EFNA5: variants seen among roughly 807,000 people sequenced by gnomAD.
The protein encoded by EFNA5 is ephrin A5.
Under a neutral mutation model 22.9 loss-of-function variants are expected in EFNA5, and 5 were observed. The observed-to-expected ratio is 0.22, with a 90% confidence interval of 0.11 to 0.46. EFNA5 has a LOEUF of 0.46. EFNA5 is among the 20% of genes least tolerant of loss of function. EFNA5 has a pLI of 0.99. For missense variants in EFNA5, 237 were observed against 293.3 expected (o/e 0.81, Z 1.40); for synonymous variants, 113 against 112.2 (o/e 1.01, Z -0.04).
At chr5:107,640,553 G>A (rs553787637) in intron 1 of EFNA5, among the ~76,000 whole-genome samples, 5 of 152,242 alleles carry the variant, frequency 3.3e-5, no homozygotes, top group East Asian at 1.9e-4. Context: ...TGTTTATCTG[G>A]TTACTTTAAT....
chr5:107,389,981 A>G (rs1380272257), intron 2 of EFNA5, among the ~76,000 whole-genome samples: 1 of 152,196 alleles, frequency 6.6e-6, no homozygotes, highest in Non-Finnish European at 1.5e-5. Flanking sequence ...TGAACAAAGA[A>G]TATTAGCACA....
chr5:107,609,825 A>T (rs1335322589), intron 1 of EFNA5, among the ~76,000 whole-genome samples: 1 of 152,178 alleles, frequency 6.6e-6, no homozygotes, highest in Non-Finnish European at 1.5e-5. Flanking sequence ...CTAGAATAAG[A>T]TGACTGAATG....
At chr5:107,636,021 T>G (rs73200643) in intron 1 of EFNA5, among the ~76,000 whole-genome samples, 5,118 of 152,330 alleles carry the variant, frequency 0.034, 309 homozygotes, top group African/African-American at 0.12. Flanking sequence ...TATTTTTGTT[T>G]AAATGAGTCA....
At chr5:107,515,038 T>C (rs1244381169) in intron 1 of EFNA5, among the ~76,000 whole-genome samples, 1 of 152,162 alleles carries the variant, frequency 6.6e-6, no homozygotes, top group Non-Finnish European at 1.5e-5. Flanking sequence ...TCCATCTTCC[T>C]TTCTCTGCCA....
intron 1 of EFNA5, among the ~76,000 whole-genome samples, chr5:107,442,484 C>T (rs952101664): frequency 3.9e-5 from 6 of 152,212 alleles, no homozygotes; most frequent in Admixed American, 1.3e-4. Flanking sequence ...CTCAACCCTG[C>T]CCTGTAAGAA....
intron 1 of EFNA5, among the ~76,000 whole-genome samples, chr5:107,574,664 T>G (rs1748889295): frequency 6.6e-6 from 1 of 152,206 alleles, no homozygotes; most frequent in Non-Finnish European, 1.5e-5. Flanking sequence ...AAGAAGCCCC[T>G]GGGCTTGAAG....
At chr5:107,471,358 T>C (rs544249867) in intron 1 of EFNA5, among the ~76,000 whole-genome samples, 1 of 152,190 alleles carries the variant, frequency 6.6e-6, no homozygotes, top group African/African-American at 2.4e-5. Context: ...TCTGTTAAGC[T>C]TTCATTACCT....
chr5:107,571,119 G>A (rs1225853479), intron 1 of EFNA5, among the ~76,000 whole-genome samples: 1 of 152,208 alleles, frequency 6.6e-6, no homozygotes, highest in East Asian at 1.9e-4. Context: ...AGGGCGGCAA[G>A]GGTTGGGAAC....
intron 1 of EFNA5, among the ~76,000 whole-genome samples, chr5:107,589,615 G>A (rs2112501224): frequency 1.3e-5 from 2 of 152,266 alleles, no homozygotes; most frequent in South Asian, 4.1e-4. Flanking sequence ...CCACCAACTT[G>A]TTTCCCTGCA....
intron 2 of EFNA5, among the ~76,000 whole-genome samples, chr5:107,393,124 A>C (rs1209881086): frequency 6.6e-6 from 1 of 152,222 alleles, no homozygotes; most frequent in African/African-American, 2.4e-5. Flanking sequence ...CATAAATCTT[A>C]AGGAGAATGC....
chr5:107,542,035 G>GA (rs1748060029), intron 1 of EFNA5, among the ~76,000 whole-genome samples: 1 of 152,118 alleles, frequency 6.6e-6, no homozygotes, highest in Admixed American at 6.5e-5. Flanking sequence ...TGAAAATTCT[G>GA]AAAAATCAAC....
chr5:107,645,183 T>C (rs1750607492), intron 1 of EFNA5, among the ~76,000 whole-genome samples: 1 of 152,180 alleles, frequency 6.6e-6, no homozygotes, highest in South Asian at 2.1e-4. Context: ...TCTTCAGCTA[T>C]CCAGACATGG....
chr5:107,389,233 C>G (rs1003518012), intron 2 of EFNA5, among the ~76,000 whole-genome samples: 5 of 152,242 alleles, frequency 3.3e-5, no homozygotes, highest in Non-Finnish European at 7.3e-5. Context: ...GAAAAACTCC[C>G]TCTACTGACA....
intron 1 of EFNA5, among the ~76,000 whole-genome samples, chr5:107,573,990 G>A (rs1748871452): frequency 6.6e-6 from 1 of 152,146 alleles, no homozygotes; most frequent in Non-Finnish European, 1.5e-5. Flanking sequence ...GGTGATTTTA[G>A]CTGTTCTATT....
intron 1 of EFNA5, among the ~76,000 whole-genome samples, chr5:107,546,286 A>G (rs6882355): frequency 0.1 from 15,533 of 152,234 alleles, 956 homozygotes; most frequent in South Asian, 0.15. Context: ...CAATCTGGTC[A>G]TCTCCAGCAC....
chr5:107,486,047 G>C (rs527604466), intron 1 of EFNA5, among the ~76,000 whole-genome samples: 1 of 152,314 alleles, frequency 6.6e-6, no homozygotes, highest in South Asian at 2.1e-4. Context: ...TTTTCACTAG[G>C]CTGAGACGAG....
chr5:107,622,158 T>C (rs1230366313), intron 1 of EFNA5, among the ~76,000 whole-genome samples: 1 of 152,164 alleles, frequency 6.6e-6, no homozygotes, highest in African/African-American at 2.4e-5. Flanking sequence ...AACATGTTCC[T>C]CTTAATTCTT....
intron 1 of EFNA5, among the ~76,000 whole-genome samples, chr5:107,548,457 A>T (rs1748217120): frequency 6.6e-6 from 1 of 152,224 alleles, no homozygotes; most frequent in Admixed American, 6.5e-5. Context: ...ATAACTAAAA[A>T]TAAAGGAATG....
intron 1 of EFNA5, among the ~76,000 whole-genome samples, chr5:107,523,389 C>T (rs1747634786): frequency 6.6e-6 from 1 of 151,996 alleles, no homozygotes; most frequent in African/African-American, 2.4e-5. Context: ...TTTTTGGTGT[C>T]CCACTGCTTT....
Sources: gnomAD v4.1 joint callset for allele counts (sites outside exome capture counted in the v4.1 genomes callset) on GRCh38, gnomAD v4.1.1 for gene constraint, MANE v1.5 for transcripts, NCBI Gene and HGNC (gene_info 2026-07-23, HGNC 2026-07-21) for gene names.